Variants in MYO3A observed in about 807,000 individuals in gnomAD.
MYO3A encodes the protein myosin IIIA, also known as myosin-IIIa.
A neutral mutation model predicts 192.7 loss-of-function variants in MYO3A; 180 were observed. The ratio of observed to expected loss-of-function variants is 0.93; its 90% CI spans 0.83 to 1.06. MYO3A has a LOEUF of 1.06. Ranked by LOEUF, MYO3A falls within the 50% of genes least tolerant of loss-of-function variation. MYO3A has a pLI of 0.00. For synonymous variants in MYO3A, 628 were observed against 645.3 expected, an observed-to-expected ratio of 0.97 and a Z score of 0.41; for missense variants, 1,896 against 1,905.0, an observed-to-expected ratio of 1.00 and a Z score of 0.09.
chr10:26,027,604 CAA>C (rs1842613924), intron 10 of MYO3A, among the ~76,000 whole-genome samples: 4 of 152,134 alleles, frequency 2.6e-5, no homozygotes, highest in African/African-American at 9.7e-5. Flanking sequence ...CTCAGCCTCC[CAA>C]AAGACTAGGA....
At chr10:25,976,379 G>A (rs1358701494) in intron 4 of MYO3A, among the ~76,000 whole-genome samples, 1 of 152,136 alleles carries the variant, frequency 6.6e-6, no homozygotes, top group Non-Finnish European at 1.5e-5. Context: ...ACAGAATATA[G>A]TCAGACTAAG....
chr10:26,035,531 C>T (rs959273798), intron 10 of MYO3A, among the ~76,000 whole-genome samples: 3 of 152,192 alleles, frequency 2.0e-5, no homozygotes, highest in African/African-American at 7.2e-5. Flanking sequence ...TAGTTCAGTT[C>T]CTGTCTTTAT....
Position 26,017,854 on chromosome 10 carries a change from G to A in MYO3A, c.585+958G>A, listed in dbSNP as rs567628820. On this transcript the variant is annotated intron_variant, in intron 7 of 34. Transcript: ENST00000642920. ...AAAAATTGAATAGGAGAATCTCAAA[G>A]GAGAGTTTCTTTAGAGTTTGTTCTG... 4.0e-5 allele frequency among the ~76,000 whole-genome samples: 6 copies of A among 151,424 alleles called. No homozygotes were observed. In the South Asian group the frequency reaches 1.2e-3, roughly 31 times the overall value.
intron 20 of MYO3A, 78 bp from the exon 21 acceptor site, chr10:26,143,370 A>C: frequency 1.4e-6 from 2 of 1,411,932 alleles, no homozygotes; most frequent in Admixed American, 3.7e-5. Flanking sequence ...ATTTTAATAT[A>C]TGCAAAGTAA....
intron 6 of MYO3A, among the ~76,000 whole-genome samples, chr10:25,998,589 A>G (rs1490367538): frequency 2.0e-5 from 3 of 152,104 alleles, no homozygotes; most frequent in Non-Finnish European, 4.4e-5. Context: ...TCACTGCTTC[A>G]TAGGAGGGGC....
At chr10:26,069,213 T>G (rs1164583229) in intron 12 of MYO3A, among the ~76,000 whole-genome samples, 2 of 130,148 alleles carry the variant, frequency 1.5e-5, no homozygotes, top group Non-Finnish European at 3.5e-5. Flanking sequence ...TTAATGTATG[T>G]CTGCCGCTGA....
Position 26,021,667 on chromosome 10 carries a change from G to A in MYO3A, c.731+19G>A. 6.2e-7 allele frequency: 1 copy of A among 1,613,914 alleles called. No individual in the cohort carries two copies. Among genetic ancestry groups the A allele is most frequent in the South Asian group, 1.1e-5 (1 of 91,072 alleles). Reference sequence around the variant, plus strand: ...TACCAAGGTCAGATGACTAACATTGGGTCCAGTATCTGCAGCCCGATTTAC... The same window carrying A: ...TACCAAGGTCAGATGACTAACATTGAGTCCAGTATCTGCAGCCCGATTTAC... On this transcript the variant is annotated intron_variant, in intron 8 of 34. Coordinates refer to ENST00000642920, the MANE Select transcript of MYO3A (RefSeq NM_017433.5).
chr10:25,976,103 T>C (rs1174146179), intron 4 of MYO3A, among the ~76,000 whole-genome samples: 1 of 152,178 alleles, frequency 6.6e-6, no homozygotes, highest in Non-Finnish European at 1.5e-5. Flanking sequence ...GTACTGAGTA[T>C]TGGTGAGGTG....
chr10:26,060,561 T>TTAA (rs76455277), intron 10 of MYO3A, among the ~76,000 whole-genome samples: 1 of 151,902 alleles, frequency 6.6e-6, no homozygotes, highest in Non-Finnish European at 1.5e-5. Context: ...TCCATAAATT[T>TTAA]CCATATCAAA....
At chr10:26,046,646 G>T (rs903232299) in intron 10 of MYO3A, among the ~76,000 whole-genome samples, 2 of 152,222 alleles carry the variant, frequency 1.3e-5, no homozygotes, top group African/African-American at 4.8e-5. Context: ...TACACAAATA[G>T]AGAACCCAGT....
At chr10:26,122,355 T>G (rs376568789) in intron 18 of MYO3A, among the ~76,000 whole-genome samples, 1 of 152,168 alleles carries the variant, frequency 6.6e-6, no homozygotes, top group Non-Finnish European at 1.5e-5. Flanking sequence ...GTAGAAACTT[T>G]ATTAATTTAC....
chr10:26,115,235 C>G (rs1367761199), intron 17 of MYO3A, among the ~76,000 whole-genome samples: 1 of 152,074 alleles, frequency 6.6e-6, no homozygotes, highest in Non-Finnish European at 1.5e-5. Context: ...GACGGATCGG[C>G]GAGTGGCAAG....
chr10:26,160,321 A>T (rs994520268), intron 26 of MYO3A, among the ~76,000 whole-genome samples: 3 of 152,212 alleles, frequency 2.0e-5, no homozygotes, highest in Admixed American at 2.0e-4. Context: ...GGCCAAGAGA[A>T]TGATATACAC....
At chr10:26,021,429 T>A in intron 7 of MYO3A, 74 bp from the exon 8 acceptor site, 1 of 1,531,188 alleles carries the variant, frequency 6.5e-7, no homozygotes, top group South Asian at 1.1e-5. Flanking sequence ...TACTTAATGC[T>A]TTGTTCTAAG....
chr10:25,971,130 A>G (rs1838615182), intron 4 of MYO3A, among the ~76,000 whole-genome samples: 1 of 152,128 alleles, frequency 6.6e-6, no homozygotes, highest in Non-Finnish European at 1.5e-5. Context: ...AGAAAAGCAG[A>G]AGAAAGAAGA....
chr10:26,083,854 A>T (rs2131480759), intron 14 of MYO3A, among the ~76,000 whole-genome samples: 1 of 152,304 alleles, frequency 6.6e-6, no homozygotes, highest in Admixed American at 6.5e-5. Flanking sequence ...CCTAAGAAAA[A>T]TTTATATAAT....
chr10:25,985,255 A>G (rs184045497), intron 4 of MYO3A, among the ~76,000 whole-genome samples: 18 of 147,524 alleles, frequency 1.2e-4, no homozygotes, highest in African/African-American at 3.4e-4. Context: ...AAAAAAAAAA[A>G]AAATTCTGAA....
At position 26,176,849 on chromosome 10, in the gene MYO3A, A is replaced by G. The variant is rs756581092; in HGVS notation, c.4438+4A>G. 2.0e-5 allele frequency: 33 copies of G among 1,613,884 alleles called. No individual in the cohort carries two copies. The highest frequency in any genetic ancestry group is 2.8e-5 in the Non-Finnish European group (33 of 1,179,880). On this transcript the variant is annotated splice_donor_region_variant and intron_variant, in intron 31 of 34. Coordinates refer to ENST00000642920, the MANE Select transcript of MYO3A (RefSeq NM_017433.5). ...TCTTCTCAGCAGTGCCTCTCAGGTA[A>G]AAATCAGTAGAGTTAGAACTTCCTG...
At chr10:26,159,650 A>AT (rs1841381596) in intron 26 of MYO3A, among the ~76,000 whole-genome samples, 1 of 152,188 alleles carries the variant, frequency 6.6e-6, no homozygotes, top group South Asian at 2.1e-4. Flanking sequence ...AAGTGCTGGG[A>AT]TTACAGGCGT....
Sources: allele counts gnomAD v4.1 joint callset (sites outside exome capture counted in the v4.1 genomes callset), GRCh38; gene constraint gnomAD v4.1.1; transcripts MANE v1.5; gene names NCBI Gene and HGNC (gene_info 2026-07-23, HGNC 2026-07-21).